The following COL4A2 variants were observed in gnomAD, a reference collection of about 807,000 sequenced individuals.
COL4A2 encodes collagen alpha-2(IV) chain.
In COL4A2, 99 loss-of-function variants were observed where a neutral mutation model predicts 200.2. That is an observed-to-expected ratio of 0.49 (90% confidence interval 0.42 to 0.58). COL4A2 has a LOEUF of 0.58. Among genes scored for constraint, COL4A2 ranks in the 20% least tolerant of loss-of-function variants. COL4A2 has a pLI of 0.00. For missense variants in COL4A2, 1,950 were observed against 2,314.1 expected, an observed-to-expected ratio of 0.84 and a Z score of 3.23; for synonymous variants, 897 against 900.6, an observed-to-expected ratio of 1.00 and a Z score of 0.07.
At chr13:110,495,493 A>G in intron 40 of COL4A2, 26 bp downstream of exon 40, 4 of 1,606,460 alleles carry the variant, frequency 2.5e-6, no homozygotes, top group Non-Finnish European at 3.4e-6. Flanking sequence ...CCAAGCCAAC[A>G]TTGCCGTCCC....
intron 4 of COL4A2, among the ~76,000 whole-genome samples, chr13:110,383,582 T>C (rs1249315120): frequency 6.7e-6 from 1 of 149,984 alleles, no homozygotes; most frequent in Non-Finnish European, 1.5e-5. Flanking sequence ...ATGCAATCAG[T>C]GGTTATTTTG....
chr13:110,376,972 T>A (rs1878263613), intron 4 of COL4A2, among the ~76,000 whole-genome samples: 1 of 152,246 alleles, frequency 6.6e-6, no homozygotes, highest in African/African-American at 2.4e-5. Context: ...ACTAGACCTG[T>A]CTTCACTCAG....
At chr13:110,445,178 C>T (rs558468075) in intron 16 of COL4A2, among the ~76,000 whole-genome samples, 2 of 152,212 alleles carry the variant, frequency 1.3e-5, no homozygotes, top group East Asian at 1.9e-4. Context: ...AGAGAAAAAA[C>T]TCTAACTTAA....
chr13:110,438,972 G>A (rs1881021965), intron 15 of COL4A2, among the ~76,000 whole-genome samples: 1 of 152,208 alleles, frequency 6.6e-6, no homozygotes, highest in Non-Finnish European at 1.5e-5. Flanking sequence ...AAACCTTTCT[G>A]GTTGTGTGTG....
chr13:110,310,744 A>C (rs1410806330), intron 3 of COL4A2, among the ~76,000 whole-genome samples: 1 of 152,158 alleles, frequency 6.6e-6, no homozygotes, highest in African/African-American at 2.4e-5. Context: ...TTTGTTTCGG[A>C]AGCAGCTAGG....
At chr13:110,464,305 T>C (rs1283487016) in intron 24 of COL4A2, among the ~76,000 whole-genome samples, 2 of 152,162 alleles carry the variant, frequency 1.3e-5, no homozygotes, top group African/African-American at 4.8e-5. Context: ...GGGAGAACCT[T>C]GCAGCCTCAG....
intron 4 of COL4A2, among the ~76,000 whole-genome samples, chr13:110,363,281 C>T (rs872589): frequency 0.4 from 60,684 of 152,014 alleles, 12,255 homozygotes; most frequent in Middle Eastern, 0.56. Flanking sequence ...GATTGACAAG[C>T]TCGCTCAAGT....
At chr13:110,485,558 C>G (rs1015228476) in intron 33 of COL4A2, 97 bp from the exon 34 acceptor site, 2 of 722,790 alleles carry the variant, frequency 2.8e-6, no homozygotes, top group Non-Finnish European at 4.6e-6. Flanking sequence ...ATTCACAGCA[C>G]GTAGGACAGC....
intron 27 of COL4A2, among the ~76,000 whole-genome samples, chr13:110,469,005 T>A (rs1882358495): frequency 6.6e-6 from 1 of 152,170 alleles, no homozygotes. Flanking sequence ...AAATATTGGA[T>A]ATTATCATTC....
At chr13:110,311,718 T>C (rs1364105436) in intron 3 of COL4A2, among the ~76,000 whole-genome samples, 1 of 152,200 alleles carries the variant, frequency 6.6e-6, no homozygotes, top group East Asian at 1.9e-4. Flanking sequence ...CTCTGAGCAT[T>C]GTCACCTATC....
At chr13:110,372,004 G>A (rs1040570078) in intron 4 of COL4A2, among the ~76,000 whole-genome samples, 1 of 151,762 alleles carries the variant, frequency 6.6e-6, no homozygotes, top group African/African-American at 2.4e-5. Context: ...ACCCTGAGGA[G>A]CTGGGAGATT....
At chr13:110,314,679 C>T (rs1885086185) in intron 3 of COL4A2, among the ~76,000 whole-genome samples, 1 of 152,200 alleles carries the variant, frequency 6.6e-6, no homozygotes, top group African/African-American at 2.4e-5. Flanking sequence ...GCTTGTATCA[C>T]AGTGTCGCTG....
At chr13:110,435,842 A>G (rs1880851015) in intron 12 of COL4A2, among the ~76,000 whole-genome samples, 1 of 152,148 alleles carries the variant, frequency 6.6e-6, no homozygotes, top group Non-Finnish European at 1.5e-5. Context: ...ATATAAAAAC[A>G]TCTTTAGCTG....
chr13:110,415,569 TGTTTG>T (rs1381279566), intron 4 of COL4A2, among the ~76,000 whole-genome samples: 1 of 152,246 alleles, frequency 6.6e-6, no homozygotes, highest in Non-Finnish European at 1.5e-5. Context: ...ATGTGGTGTG[TGTTTG>T]TATTATCGTA....
chr13:110,344,394 T>C (rs1207001572), intron 3 of COL4A2, among the ~76,000 whole-genome samples: 1 of 152,176 alleles, frequency 6.6e-6, no homozygotes, highest in Non-Finnish European at 1.5e-5. Flanking sequence ...AACATTGAGG[T>C]TTAAATGAGT....
intron 20 of COL4A2, chr13:110,456,766 C>T: frequency 2.1e-6 from 1 of 475,722 alleles, no homozygotes; most frequent in Non-Finnish European, 4.3e-6. Context: ...ATCCTTGATG[C>T]TGGTGCCTCA....
At position 110,430,006 on chromosome 13, in the gene COL4A2, C is replaced by G. The variant is rs371112780; in HGVS notation, c.549+50C>G. ...GTAATGAAGGGACCCAGTGTAAATT[C>G]TCAACTAACAAAGTTAATTGCCAAG... is the stretch of plus-strand genomic sequence containing the variant. On this transcript the variant is annotated intron_variant, in intron 8 of 47. Coordinates refer to ENST00000360467, the MANE Select transcript of COL4A2 (RefSeq NM_001846.4). The G allele has an allele frequency of 1.8e-4, 269 of 1,504,538 alleles. 1 individual carries two copies. In the African/African-American group the frequency reaches 3.3e-3, roughly 19 times the overall value. The allele number at this position is 1,504,538 out of a possible 1,614,324, so 93.2% of individuals were successfully genotyped here.
chr13:110,361,840 C>T (rs557207591), intron 4 of COL4A2, among the ~76,000 whole-genome samples: 1 of 152,340 alleles, frequency 6.6e-6, no homozygotes, highest in Admixed American at 6.5e-5. Context: ...GCACTGCCCA[C>T]TTCCCCTCCC....
intron 3 of COL4A2, among the ~76,000 whole-genome samples, chr13:110,351,262 A>T (rs1876948952): frequency 6.6e-6 from 1 of 151,750 alleles, no homozygotes; most frequent in Non-Finnish European, 1.5e-5. Flanking sequence ...TTTTGTACAG[A>T]CAGGGTTTTG....
Sources: allele counts gnomAD v4.1 joint callset (sites outside exome capture counted in the v4.1 genomes callset), GRCh38; gene constraint gnomAD v4.1.1; transcripts MANE v1.5; gene names NCBI Gene and HGNC (gene_info 2026-07-23, HGNC 2026-07-21).